NEB: variants seen among roughly 807,000 people sequenced by gnomAD.
The protein encoded by NEB is nemaline myopathy type 2.
NEB carries 512 observed loss-of-function variants against 952.2 expected under a neutral mutation model. The ratio of observed to expected loss-of-function variants is 0.54; its 90% CI spans 0.50 to 0.58. The LOEUF (loss-of-function observed/expected upper bound fraction) is 0.58, where lower values mean the gene tolerates loss of function less well. Among genes scored for constraint, NEB ranks in the 20% least tolerant of loss-of-function variants. NEB has a pLI of 0.00. For synonymous variants in NEB, 2,900 were observed against 3,149.8 expected, an observed-to-expected ratio of 0.92 and a Z score of 2.66; for missense variants, 8,428 against 9,231.1, an observed-to-expected ratio of 0.91 and a Z score of 3.56.
At chr2:151,511,899 T>G (rs1289765859) in intron 161 of NEB, among the ~76,000 whole-genome samples, 1 of 152,098 alleles carries the variant, frequency 6.6e-6, no homozygotes, top group African/African-American at 2.4e-5. Context: ...AGCCACATCA[T>G]AAGAGATTTT....
intron 7 of NEB, 86 bp from the exon 8 acceptor site, chr2:151,724,450 C>T (rs1451090131): frequency 9.8e-7 from 1 of 1,015,544 alleles, no homozygotes; most frequent in African/African-American, 1.6e-5. Flanking sequence ...CTCATGAAGG[C>T]ATGCTTGCTC....
intron 161 of NEB, among the ~76,000 whole-genome samples, chr2:151,510,674 A>ATCTC (rs2073514893): frequency 6.6e-6 from 1 of 152,160 alleles, no homozygotes; most frequent in Non-Finnish European, 1.5e-5. Context: ...ATTGTTGTTA[A>ATCTC]TCTCTTACTG....
intron 167 of NEB, among the ~76,000 whole-genome samples, chr2:151,502,229 A>G (rs4233649): frequency 0.64 from 97,355 of 151,922 alleles, 31,538 homozygotes; most frequent in East Asian, 0.77. Flanking sequence ...GAAAGAGTGG[A>G]AGTGAGGCGA....
rs1422157277 is a variant in NEB, at chr2:151,570,602, C to G, written c.17014-1G>C. 4 of 1,582,930 alleles carry G rather than the reference C, an allele frequency of 2.5e-6. No individual in the cohort carries two copies. Among genetic ancestry groups the G allele is most frequent in the Non-Finnish European group, 3.4e-6 (4 of 1,163,918 alleles). Reference sequence around the variant, plus strand: ...CATCCCAGCCCTCACGGTAAAGTTTCTGAAAAGGAGAAAAATAAGGTATCA... The same window carrying G: ...CATCCCAGCCCTCACGGTAAAGTTTGTGAAAAGGAGAAAAATAAGGTATCA... On this transcript the variant is annotated splice_acceptor_variant, in intron 107 of 181. Transcript: ENST00000397345. LOFTEE classifies it high-confidence loss of function.
rs774406855 is a variant in NEB, at chr2:151,627,035, C to T, written c.10314G>A (p.Val3438=). ...FTSVTDSLEQ[V]LAKNNALNMN... is the part of the protein sequence containing the mutation. ...TATTGAGAGCATTGTTCTTGGCCAG[C>T]ACCTGCTCTAGAGAGTCAGTCACAC... Residue 3438 remains valine (V), a synonymous_variant, in exon 70 of 182, where the codon GTG becomes GTA. Transcript: ENST00000397345. 1 of 1,613,952 alleles carries T rather than the reference C, an allele frequency of 6.2e-7. No individual in the cohort carries two copies. The highest frequency in any genetic ancestry group is 1.1e-5 in the South Asian group (1 of 91,078).
intron 114 of NEB, 25 bp downstream of exon 114, chr2:151,567,143 T>C (rs1238191505): frequency 2.6e-6 from 4 of 1,545,690 alleles, no homozygotes; most frequent in Middle Eastern, 2.0e-4. Context: ...CGTTTCTAGA[T>C]AATGAAGAAA....
At position 151,548,383 on chromosome 2, in the gene NEB, C is replaced by T; in HGVS notation, c.20082G>A (p.Lys6694=). The T allele has an allele frequency of 6.2e-7, 1 of 1,613,682 alleles. No individual in the cohort carries two copies. ...FKYKEAYEHT[K]AYGYTLGPKD... is the part of the protein sequence containing the mutation. ...TGGGGCCAAGTGTATACCCATATGCCTTGGTGTGTTCATAGGCTTCTTTGT... is the reference window on the plus strand; with the variant it reads ...TGGGGCCAAGTGTATACCCATATGCTTTGGTGTGTTCATAGGCTTCTTTGT... Residue 6694 remains lysine, a synonymous_variant, in exon 131 of 182, where the codon AAG becomes AAA. Transcript: ENST00000397345.
intron 51 of NEB, 65 bp from the exon 52 acceptor site, chr2:151,654,164 G>A: frequency 4.0e-6 from 4 of 1,000,454 alleles, no homozygotes; most frequent in South Asian, 2.2e-5. Flanking sequence ...AGATTATTAG[G>A]GAAAAGTTTA....
In NEB at chr2:151,492,427, T is replaced by G; in HGVS notation, c.24833A>C (p.Glu8278Ala). 6.2e-7 allele frequency: 1 copy of G among 1,612,330 alleles called. No homozygotes were observed. Among genetic ancestry groups the G allele is most frequent in the Non-Finnish European group, 8.5e-7 (1 of 1,179,132 alleles). ...TTGGGTCTCCCTCACCCGTCTCATC[T>G]CGGGGGTATCCAATACATAGGCAGC... ...GKAAYVLDTP[E>A]MRRVRETQRH... Residue 8278 changes from glutamate (E) to alanine (A), a missense_variant, in exon 177 of 182, where the codon GAG (glutamate) becomes GCG (alanine). Coordinates refer to ENST00000397345, the MANE Select transcript of NEB (RefSeq NM_001164508.2).
At position 151,612,233 on chromosome 2, in the gene NEB, T is replaced by C; in HGVS notation, c.11758A>G (p.Thr3920Ala). 1 of 1,613,812 alleles carries C rather than the reference T, an allele frequency of 6.2e-7. No homozygotes were observed. The highest frequency in any genetic ancestry group is 8.5e-7 in the Non-Finnish European group (1 of 1,179,816). ...DQLKFTCITD[T>A]PEIVLAKNNA... The stretch of plus-strand genomic sequence containing the variant: ...TTCTTTGCTAGGACAATTTCCGGAG[T>C]GTCGGTAATGCATGTGAATTTGAGC... The change falls in exon 78 of 182, where the codon ACT becomes GCT. Residue 3920 changes from threonine (T) to alanine (A), a missense_variant. Physicochemically the swap from Thr to Ala is moderately conservative, Grantham distance 58. Coordinates refer to ENST00000397345, the MANE Select transcript of NEB (RefSeq NM_001164508.2).
chr2:151,687,585 G>T (rs530496513), intron 26 of NEB, 41 bp downstream of exon 26: 6 of 1,613,162 alleles, frequency 3.7e-6, no homozygotes, highest in East Asian at 2.2e-5. Flanking sequence ...TGTCCCCAAG[G>T]CCACCCTGTC....
At chr2:151,618,015 G>A (rs945466411) in intron 74 of NEB, among the ~76,000 whole-genome samples, 4 of 152,106 alleles carry the variant, frequency 2.6e-5, no homozygotes, top group Non-Finnish European at 2.9e-5. Context: ...AGCCAAGATC[G>A]TGCCATTGCA....
At position 151,512,791 on chromosome 2, in the gene NEB, G is replaced by T. The variant is rs767053656; in HGVS notation, c.23288C>A (p.Ser7763Tyr). ...SAEMEKANFTSVVDTPEIIHA... is the reference protein window; with the variant it reads ...SAEMEKANFTYVVDTPEIIHA... Reference sequence around the variant, plus strand: ...AATGATCTCTGGAGTATCAACCACAGAAGTGAAATTGGCTTTCTCCATTTC... The same window carrying T: ...AATGATCTCTGGAGTATCAACCACATAAGTGAAATTGGCTTTCTCCATTTC... Residue 7763 changes from serine (S) to tyrosine (Y), a missense_variant, in exon 161 of 182, where the codon TCT (serine) becomes TAT (tyrosine). Ser to Tyr is a moderately radical substitution (Grantham distance 144, BLOSUM62 -2). This residue lies in a region of NEB where 3,374 missense variants were observed against 3,651.5 expected (regional missense o/e 0.92). Coordinates refer to ENST00000397345, the MANE Select transcript of NEB (RefSeq NM_001164508.2). The T allele has an allele frequency of 6.2e-7, 1 of 1,613,852 alleles. No individual in the cohort carries two copies. Among genetic ancestry groups the T allele is most frequent in the South Asian group, 1.1e-5 (1 of 91,042 alleles).
intron 181 of NEB, among the ~76,000 whole-genome samples, chr2:151,486,955 T>G (rs2051014039): frequency 1.3e-5 from 2 of 152,202 alleles, no homozygotes; most frequent in Admixed American, 1.3e-4. Flanking sequence ...ATGAAAGTAT[T>G]CTAAAATTAG....
Position 151,644,530 on chromosome 2 carries a change from C to G in NEB, c.7582G>C (p.Asp2528His), listed in dbSNP as rs369496057. ...ATTGGTATGGCATCAACAGGAAGAT[C>G]GTAACCTTTTCTCTTCAGCTCCTCA... Reference protein sequence around the residue: ...GYEELKRKGYDLPVDAIPIKA... With the variant: ...GYEELKRKGYHLPVDAIPIKA... The change falls in exon 56 of 182, where the codon GAT (aspartate) becomes CAT (histidine). Residue 2528 changes from aspartate to histidine, a missense_variant. By Grantham distance (81) the Asp-to-His change is moderately conservative (BLOSUM62 -1). Around this residue, in one of 11 missense-constraint regions of NEB, gnomAD observed 1,772 missense variants for 1,960.3 expected, o/e 0.90. Transcript: ENST00000397345. 1 of 1,613,890 alleles carries G rather than the reference C, an allele frequency of 6.2e-7. No homozygotes were observed. The highest frequency in any genetic ancestry group is 1.1e-5 in the South Asian group (1 of 91,076).
intron 107 of NEB, 86 bp downstream of exon 107, chr2:151,575,609 G>T: frequency 1.0e-6 from 1 of 961,810 alleles, no homozygotes. Flanking sequence ...CAGGGACCGA[G>T]TCCATCTTCC....
At chr2:151,578,077 G>A (rs941840894) in intron 105 of NEB, among the ~76,000 whole-genome samples, 1 of 152,118 alleles carries the variant, frequency 6.6e-6, no homozygotes, top group Non-Finnish European at 1.5e-5. Flanking sequence ...ATGCTTTCCT[G>A]TAATGAACTC....
chr2:151,633,159 G>A (rs1353940708), intron 65 of NEB, among the ~76,000 whole-genome samples: 1 of 152,158 alleles, frequency 6.6e-6, no homozygotes, highest in Non-Finnish European at 1.5e-5. Flanking sequence ...AGTAGGCTCT[G>A]TCATTACCAT....
chr2:151,665,527 A>T lies in NEB; in HGVS notation c.5044T>A (p.Ser1682Thr). Residue 1682 changes from serine (S) to threonine (T), a missense_variant, in exon 42 of 182, where the codon TCT becomes ACT. Ser to Thr is a moderately conservative substitution (Grantham distance 58). Coordinates refer to ENST00000397345, the MANE Select transcript of NEB (RefSeq NM_001164508.2). ...CCTTTCATCCAATTGGTGAAGTCAG[A>T]TTTGTACAGATTCTTTACAATGAGA... ...MQIQSDNLYK[S>T]DFTNWMKGIG... 1 of 1,600,152 alleles carries T rather than the reference A, an allele frequency of 6.2e-7. No individual in the cohort carries two copies. The highest frequency in any genetic ancestry group is 8.5e-7 in the Non-Finnish European group (1 of 1,172,984).
Sources: gnomAD v4.1 joint callset for allele counts (sites outside exome capture counted in the v4.1 genomes callset) on GRCh38, gnomAD v4.1.1 for gene constraint, gnomAD v4.1.1 regional missense constraint, MANE v1.5 for transcripts, NCBI Gene and HGNC (gene_info 2026-07-23, HGNC 2026-07-21) for gene names.